The following STPG2 variants were observed in gnomAD, a reference collection of about 807,000 sequenced individuals.
STPG2 encodes the protein sperm-tail PG-rich repeat-containing protein 2.
Under a neutral mutation model 54.2 loss-of-function variants are expected in STPG2, and 56 were observed. The observed-to-expected ratio is 1.03, with a 90% CI of 0.83 to 1.29. STPG2 has a LOEUF of 1.29. Among genes scored for constraint, STPG2 ranks in the 50% most tolerant of loss-of-function variants. STPG2 has a pLI of 0.00. For missense variants in STPG2, 596 were observed against 544.9 expected, an observed-to-expected ratio of 1.09 and a Z score of -0.93; for synonymous variants, 200 against 181.8, an observed-to-expected ratio of 1.10 and a Z score of -0.81.
In STPG2 at chr4:97,587,171, T is replaced by C. The variant is rs554448559; in HGVS notation, c.1321-28054A>G. On this transcript the variant is annotated intron_variant, in intron 10 of 10. Coordinates refer to ENST00000295268, the MANE Select transcript of STPG2 (RefSeq NM_174952.3). ...TAGTGTTTAATAAATATTTAGTAAA[T>C]GGATGAATGAAATGGGTAAATTTTT... 1.3e-4 allele frequency among the ~76,000 whole-genome samples: 20 copies of C among 152,110 alleles called. No homozygotes were observed. In the East Asian group the frequency reaches 3.9e-3, roughly 29 times the overall value.
At chr4:97,897,369 G>T (rs964287519) in intron 8 of STPG2, among the ~76,000 whole-genome samples, 2 of 151,730 alleles carry the variant, frequency 1.3e-5, no homozygotes, top group African/African-American at 4.8e-5. Context: ...ATGAACATAT[G>T]CATACATGTG....
chr4:97,985,932 G>A (rs554755981), intron 5 of STPG2, among the ~76,000 whole-genome samples: 99 of 148,724 alleles, frequency 6.7e-4, no homozygotes, highest in Non-Finnish European at 1.0e-3. Context: ...ATGCGCAAGC[G>A]CACGTGAGCG....
intron 8 of STPG2, among the ~76,000 whole-genome samples, chr4:97,883,013 A>G (rs1349542355): frequency 6.6e-6 from 1 of 151,516 alleles, no homozygotes; most frequent in South Asian, 2.1e-4. Context: ...ACAAGTACAC[A>G]CAAAATTATC....
Position 97,966,581 on chromosome 4 carries a change from C to T in STPG2, c.933+5699G>A, listed in dbSNP as rs921882365. Among the ~76,000 whole-genome samples the T allele has an allele frequency of 1.8e-4, 28 of 152,062 alleles. 1 individual carries two copies. Among genetic ancestry groups the T allele is most frequent in the Admixed American group, 5.9e-4 (9 of 15,264 alleles). On this transcript the variant is annotated intron_variant, in intron 7 of 10. Transcript: ENST00000295268. ...CCAAGACACATAATTGTCAGATTCA[C>T]CAAGGCTGAAATGAAGAAAAAATGT...
intron 8 of STPG2, among the ~76,000 whole-genome samples, chr4:97,856,586 T>C (rs550142142): frequency 1.4e-4 from 21 of 152,330 alleles, no homozygotes; most frequent in African/African-American, 4.6e-4. Flanking sequence ...TTTCTAGATA[T>C]AGGATCATGT....
chr4:97,475,415 A>G (rs1383841924), intron 4 of STPG2, among the ~76,000 whole-genome samples: 3 of 150,744 alleles, frequency 2.0e-5, no homozygotes, highest in Non-Finnish European at 3.0e-5. Flanking sequence ...TGTATAATGT[A>G]TACAATGTTT....
At chr4:97,928,756 T>C (rs907716365) in intron 8 of STPG2, among the ~76,000 whole-genome samples, 18 of 152,204 alleles carry the variant, frequency 1.2e-4, no homozygotes, top group African/African-American at 4.3e-4. Context: ...AAATGAGAAA[T>C]ATGGAACATA....
At chr4:97,887,547 G>C (rs1036502247) in intron 8 of STPG2, among the ~76,000 whole-genome samples, 1 of 152,000 alleles carries the variant, frequency 6.6e-6, no homozygotes, top group African/African-American at 2.4e-5. Context: ...GATGTGGCCT[G>C]TCTGCTTCTA....
chr4:97,558,855 T>C (rs1037815523), downstream of STPG2: 5 of 532,894 alleles, frequency 9.4e-6, no homozygotes, highest in Non-Finnish European at 1.7e-5. Context: ...AATAATACAA[T>C]ATGACTTTTT....
chr4:97,521,280 G>GA (rs145143089), intron 4 of STPG2, among the ~76,000 whole-genome samples: 1 of 151,970 alleles, frequency 6.6e-6, no homozygotes, highest in South Asian at 2.1e-4. Flanking sequence ...ATCAACAGCA[G>GA]AAGATCAAAG....
intron 7 of STPG2, 118 bp from the exon 8 acceptor site, chr4:97,944,125 C>A: frequency 4.6e-6 from 3 of 650,810 alleles, no homozygotes; most frequent in Non-Finnish European, 7.9e-6. Context: ...AATAAAGACA[C>A]ATATTCATAA....
At chr4:97,833,510 T>A (rs892263077) in intron 9 of STPG2, among the ~76,000 whole-genome samples, 1 of 151,962 alleles carries the variant, frequency 6.6e-6, no homozygotes, top group Non-Finnish European at 1.5e-5. Flanking sequence ...ACAAATGGGA[T>A]CTAATTAAAC....
chr4:97,870,279 C>T (rs766050384), intron 8 of STPG2, among the ~76,000 whole-genome samples: 1 of 151,240 alleles, frequency 6.6e-6, no homozygotes, highest in African/African-American at 2.4e-5. Context: ...TGTGATATAA[C>T]AAAATATTAT....
intron 3 of STPG2, among the ~76,000 whole-genome samples, chr4:98,120,293 C>T (rs905503501): frequency 2.0e-5 from 3 of 152,098 alleles, no homozygotes; most frequent in Non-Finnish European, 2.9e-5. Flanking sequence ...ATTGATCAGG[C>T]TGGTCTTGAA....
At chr4:97,967,185 CA>C (rs58042990) in intron 7 of STPG2, among the ~76,000 whole-genome samples, 36,404 of 106,980 alleles carry the variant, frequency 0.34, 4,358 homozygotes, top group East Asian at 0.4. Flanking sequence ...AAATGGTAAG[CA>C]AAAAAAAAAA....
At chr4:97,613,475 C>CGTGTGTGTGTGTGT (rs70953075) in intron 10 of STPG2, among the ~76,000 whole-genome samples, 1 of 142,246 alleles carries the variant, frequency 7.0e-6, no homozygotes, top group Non-Finnish European at 1.6e-5. Flanking sequence ...AGTCATCACC[C>CGTGTGTGTGTGTGT]GTGTGTGTGT....
chr4:98,048,283 A>C (rs184067889), intron 5 of STPG2, among the ~76,000 whole-genome samples: 1 of 152,288 alleles, frequency 6.6e-6, no homozygotes. Flanking sequence ...TTACAGAGGA[A>C]CTCCAGGTTT....
intron 9 of STPG2, among the ~76,000 whole-genome samples, chr4:97,825,419 C>T (rs915860414): frequency 6.6e-6 from 1 of 152,068 alleles, no homozygotes; most frequent in Non-Finnish European, 1.5e-5. Context: ...GCATGCTCTT[C>T]GACACCTAGA....
intron 8 of STPG2, among the ~76,000 whole-genome samples, chr4:97,921,333 A>C (rs574385621): frequency 1.3e-5 from 2 of 152,140 alleles, no homozygotes; most frequent in Non-Finnish European, 2.9e-5. Context: ...CAGTTTCCAA[A>C]GTGGCCTGAC....
Sources: gnomAD v4.1 joint callset for allele counts (sites outside exome capture counted in the v4.1 genomes callset) on GRCh38, gnomAD v4.1.1 for gene constraint, MANE v1.5 for transcripts, NCBI Gene and HGNC (gene_info 2026-07-23, HGNC 2026-07-21) for gene names.